Variants in CDKN2B-AS1 observed in about 807,000 individuals in gnomAD.
The protein encoded by CDKN2B-AS1 is CDKN2B and CDKN2A antisense cis and trans regulatory RNA 1, also known as CDKN2B antisense RNA 1 (non-protein coding).
intron 4 of CDKN2B-AS1, among the ~76,000 whole-genome samples, chr9:22,126,620 C>A (rs1374383322): frequency 3.0e-5 from 4 of 132,518 alleles, no homozygotes; most frequent in Non-Finnish European, 4.6e-5. Flanking sequence ...CTCGCCCAGG[C>A]CGACTGCAGT....
intron 1 of CDKN2B-AS1, among the ~76,000 whole-genome samples, chr9:22,026,181 A>T (rs1563930421): frequency 6.6e-6 from 1 of 151,952 alleles, no homozygotes; most frequent in African/African-American, 2.4e-5. Context: ...AGCTCCCCAA[A>T]GCCTGAAGGC....
At chr9:22,053,140 G>A (rs1453871456) in intron 3 of CDKN2B-AS1, among the ~76,000 whole-genome samples, 2 of 152,174 alleles carry the variant, frequency 1.3e-5, no homozygotes, top group Non-Finnish European at 2.9e-5. Context: ...GAAAGTGCAG[G>A]AAGTAGGAAT....
Position 22,039,936 on chromosome 9 carries a change from A to G in CDKN2B-AS1, n.30-6815A>G, listed in dbSNP as rs193143405. 6.6e-5 allele frequency among the ~76,000 whole-genome samples: 10 copies of G among 152,202 alleles called. No individual in the cohort carries two copies. Among genetic ancestry groups the G allele is most frequent in the African/African-American group, 2.2e-4 (9 of 41,572 alleles). On this transcript the variant is annotated intron_variant and non_coding_transcript_variant, in intron 1 of 4. Coordinates refer to ENST00000650946, the Ensembl canonical transcript of CDKN2B-AS1. The surrounding 1 kb of genome is among the most constrained non-coding windows in gnomAD (Gnocchi z 4.4). ...AAGCTCCTAATCATGGTGTCCTTAT[A>G]AAAAGGAGAATTTTGGCCATAGAGA...
At chr9:22,097,212 G>C (rs959569229) in intron 4 of CDKN2B-AS1, 1 of 152,248 alleles carries the variant, frequency 6.6e-6, no homozygotes. Context: ...TGCCTGTGCT[G>C]ATGAGCCCAT....
At chr9:22,010,441 G>A (rs953980071) in intron 1 of CDKN2B-AS1, among the ~76,000 whole-genome samples, 7 of 152,146 alleles carry the variant, frequency 4.6e-5, no homozygotes, top group African/African-American at 9.7e-5. Flanking sequence ...ATTTTGGTTC[G>A]GAGTGCTGAG....
At chr9:22,060,114 C>G (rs183120793) in intron 4 of CDKN2B-AS1, among the ~76,000 whole-genome samples, 1 of 152,292 alleles carries the variant, frequency 6.6e-6, no homozygotes, top group Admixed American at 6.5e-5. Flanking sequence ...ACATTAGGCC[C>G]CATGCTACTT....
At chr9:22,044,170 A>G (rs1166775190) in intron 1 of CDKN2B-AS1, among the ~76,000 whole-genome samples, 2 of 152,002 alleles carry the variant, frequency 1.3e-5, no homozygotes, top group Non-Finnish European at 2.9e-5. Context: ...TAGTATTTGT[A>G]CTTTATTTTT....
At chr9:22,116,633 A>G (rs1825955285) in intron 4 of CDKN2B-AS1, among the ~76,000 whole-genome samples, 1 of 152,178 alleles carries the variant, frequency 6.6e-6, no homozygotes, top group African/African-American at 2.4e-5. Context: ...GCAATGGCAA[A>G]TACAGAGAAC....
At chr9:22,119,514 A>C (rs1826045139) in intron 4 of CDKN2B-AS1, 1 of 152,202 alleles carries the variant, frequency 6.6e-6, no homozygotes, top group South Asian at 2.1e-4. Context: ...ACAAGGAAGA[A>C]AAAAAGGGTC....
intron 4 of CDKN2B-AS1, among the ~76,000 whole-genome samples, chr9:22,072,724 A>G (rs1379599102): frequency 6.6e-6 from 1 of 152,256 alleles, no homozygotes; most frequent in East Asian, 1.9e-4. Context: ...AGCACAAGGC[A>G]GCCTAACTTG....
At chr9:22,062,889 G>T (rs569434899) in intron 4 of CDKN2B-AS1, among the ~76,000 whole-genome samples, 1 of 151,724 alleles carries the variant, frequency 6.6e-6, no homozygotes, top group Non-Finnish European at 1.5e-5. Flanking sequence ...GGGCAAAGTT[G>T]ACTACCTTTG....
intron 4 of CDKN2B-AS1, among the ~76,000 whole-genome samples, chr9:22,126,886 A>G (rs12336106): frequency 0.05 from 7,584 of 152,110 alleles, 640 homozygotes; most frequent in African/African-American, 0.17. Context: ...AGTATCGAGA[A>G]CAGTGATTAA....
At chr9:22,033,024 A>T (rs1822540929) in intron 1 of CDKN2B-AS1, 1 of 152,088 alleles carries the variant, frequency 6.6e-6, no homozygotes, top group African/African-American at 2.4e-5. Flanking sequence ...GCCTCCTGTC[A>T]GATCAGCAGT....
chr9:22,088,272 A>G (rs887031831), intron 4 of CDKN2B-AS1, among the ~76,000 whole-genome samples: 3 of 152,192 alleles, frequency 2.0e-5, no homozygotes, highest in African/African-American at 7.2e-5. Context: ...GAATGTTGCA[A>G]TGTTTTATTA....
At chr9:22,020,905 C>G (rs1454185252) in intron 1 of CDKN2B-AS1, among the ~76,000 whole-genome samples, 1 of 152,096 alleles carries the variant, frequency 6.6e-6, no homozygotes, top group African/African-American at 2.4e-5. Flanking sequence ...TCAATTTTTT[C>G]TTTTGATGCA....
intron 1 of CDKN2B-AS1, chr9:22,029,509 C>T (rs764485288): frequency 1.2e-5 from 9 of 779,608 alleles, no homozygotes; most frequent in Non-Finnish European, 1.9e-5. Flanking sequence ...CTCAGCTCCT[C>T]TCATCTGATC....
At chr9:22,115,675 C>T (rs901762778) in intron 4 of CDKN2B-AS1, among the ~76,000 whole-genome samples, 3 of 152,104 alleles carry the variant, frequency 2.0e-5, no homozygotes, top group African/African-American at 7.2e-5. Context: ...GGGACCTGTG[C>T]TCCCATTAAG....
intron 4 of CDKN2B-AS1, among the ~76,000 whole-genome samples, chr9:22,085,654 G>T (rs1824845399): frequency 6.6e-6 from 1 of 151,406 alleles, no homozygotes; most frequent in African/African-American, 2.4e-5. Flanking sequence ...CCTGGAGGAG[G>T]AGCTTGCAGT....
intron 4 of CDKN2B-AS1, chr9:22,096,277 T>A (rs1026236460): frequency 6.6e-6 from 1 of 152,180 alleles, no homozygotes; most frequent in African/African-American, 2.4e-5. Context: ...ATTACCTACA[T>A]TGCACTAAGT....
Sources: allele counts gnomAD v4.1 joint callset (sites outside exome capture counted in the v4.1 genomes callset), GRCh38; gene constraint gnomAD v4.1.1; non-coding constraint Gnocchi (gnomAD v3.1); transcripts MANE v1.5; gene names NCBI Gene and HGNC (gene_info 2026-07-23, HGNC 2026-07-21).